The following SLC9A9 variants were observed in gnomAD, a reference collection of about 807,000 sequenced individuals.
The protein encoded by SLC9A9 is sodium/hydrogen exchanger 9.
In SLC9A9, 62 loss-of-function variants were observed where a neutral mutation model predicts 77.8. The ratio of observed to expected loss-of-function variants is 0.80; its 90% CI spans 0.65 to 0.98. The LOEUF is 0.98. Ranked by LOEUF, SLC9A9 falls within the 50% of genes least tolerant of loss-of-function variation. The pLI is 0.00. For synonymous variants in SLC9A9, 320 were observed against 283.5 expected (o/e 1.13, Z -1.29); for missense variants, 775 against 774.9 (o/e 1.00, Z 0.00).
intron 9 of SLC9A9, among the ~76,000 whole-genome samples, chr3:143,550,625 G>A (rs1264234000): frequency 2.0e-5 from 3 of 152,090 alleles, no homozygotes; most frequent in African/African-American, 7.2e-5. Flanking sequence ...TTAGAATAGA[G>A]CCCCCCAAAA....
intron 14 of SLC9A9, among the ~76,000 whole-genome samples, chr3:143,328,302 C>A (rs1299005427): frequency 1.3e-5 from 2 of 152,178 alleles, no homozygotes. Flanking sequence ...TTCTGTAAAT[C>A]TAGAACTGCT....
intron 9 of SLC9A9, among the ~76,000 whole-genome samples, chr3:143,543,379 CT>C (rs34447555): frequency 0.53 from 77,399 of 146,844 alleles, 20,242 homozygotes; most frequent in African/African-American, 0.59. Context: ...ACTTGTCAAG[CT>C]TTTTTTTTTT....
chr3:143,540,383 TG>T (rs778431701), intron 9 of SLC9A9, among the ~76,000 whole-genome samples: 2 of 152,172 alleles, frequency 1.3e-5, no homozygotes, highest in Non-Finnish European at 2.9e-5. Context: ...AGACTATTCT[TG>T]GCTCTACCTA....
At position 143,832,018 on chromosome 3, in the gene SLC9A9, CCTTTT is replaced by C. The variant is rs772335221; in HGVS notation, c.374_378del (p.Glu125AspfsTer4). ...TATATAATACCAGACAGGATCCTTACCTTTTCAAGTATAGCATTTCCTTGATGAGG... is the reference window on the plus strand; with the variant it reads ...TATATAATACCAGACAGGATCCTTACCAAGTATAGCATTTCCTTGATGAGG... On this transcript the variant is annotated frameshift_variant and splice_region_variant, in exon 2 of 16. Transcript: ENST00000316549. LOFTEE classifies it high-confidence loss of function. The C allele has an allele frequency of 1.9e-6, 3 of 1,609,882 alleles. No individual in the cohort carries two copies. Among genetic ancestry groups the C allele is most frequent in the Non-Finnish European group, 2.5e-6 (3 of 1,177,464 alleles).
intron 4 of SLC9A9, among the ~76,000 whole-genome samples, chr3:143,724,208 G>A (rs1340269595): frequency 6.6e-6 from 1 of 152,158 alleles, no homozygotes. Flanking sequence ...TAGTGAGTGA[G>A]TTCTCACTAG....
rs572448744 is a variant in SLC9A9 at position 143,744,460 on chromosome 3, A to G, written c.533+50541T>C. Among the ~76,000 whole-genome samples, 35 of 152,318 alleles carry G rather than the reference A, an allele frequency of 2.3e-4. No individual in the cohort carries two copies. The South Asian group carries it at 7.2e-3, about 32-fold the overall frequency. ...ACCCACACATAGTTGTTTCCCCTGC[A>G]GGTGTCCTTAACTCAAAACCACTTC... On this transcript the variant is annotated intron_variant, in intron 4 of 15. Coordinates refer to ENST00000316549, the MANE Select transcript of SLC9A9 (RefSeq NM_173653.4).
intron 4 of SLC9A9, among the ~76,000 whole-genome samples, chr3:143,719,744 A>G (rs1283027080): frequency 6.6e-6 from 1 of 152,214 alleles, no homozygotes; most frequent in African/African-American, 2.4e-5. Context: ...ACTATCCCCA[A>G]TTCTGATCCT....
chr3:143,580,229 A>G (rs974083181), intron 6 of SLC9A9, among the ~76,000 whole-genome samples: 2 of 152,160 alleles, frequency 1.3e-5, no homozygotes, highest in African/African-American at 2.4e-5. Flanking sequence ...TTGAGTTGAC[A>G]TTCTCCAGCA....
At chr3:143,404,056 A>G (rs1191769563) in intron 12 of SLC9A9, among the ~76,000 whole-genome samples, 2 of 152,068 alleles carry the variant, frequency 1.3e-5, no homozygotes, top group African/African-American at 4.8e-5. Context: ...TGTATCATCA[A>G]GTTCACTGAC....
chr3:143,798,987 A>G (rs1560085085), intron 2 of SLC9A9, among the ~76,000 whole-genome samples: 1 of 151,940 alleles, frequency 6.6e-6, no homozygotes, highest in South Asian at 2.1e-4. Context: ...CCTCCACCCT[A>G]TAATCCTTTT....
intron 9 of SLC9A9, among the ~76,000 whole-genome samples, chr3:143,533,043 G>A (rs569565665): frequency 6.6e-6 from 1 of 152,276 alleles, no homozygotes; most frequent in African/African-American, 2.4e-5. Flanking sequence ...AGGGGAGCAG[G>A]GCCCATGGAG....
chr3:143,725,668 T>C (rs1241880612), intron 4 of SLC9A9, among the ~76,000 whole-genome samples: 1 of 126,536 alleles, frequency 7.9e-6, no homozygotes, highest in East Asian at 2.3e-4. Flanking sequence ...TTCTCACTCA[T>C]AGATGGGAAT....
In SLC9A9 at chr3:143,578,669, T is replaced by C; in HGVS notation, c.810A>G (p.Ala270=). The part of the protein sequence containing the change: ...KENPNAFDAA[A]FFQSVGNFLG... The stretch of plus-strand genomic sequence containing the variant: ...GGAAATTCCCCACAGACTGGAAGAA[T>C]GCTGCGGCATCAAATGCATTTGGAT... The change falls in exon 7 of 16, where the codon GCA becomes GCG. Residue 270 remains alanine (A), a synonymous_variant. Transcript: ENST00000316549. 1.2e-6 allele frequency: 2 copies of C among 1,614,108 alleles called. No individual in the cohort carries two copies. Among genetic ancestry groups the C allele is most frequent in the Non-Finnish European group, 1.7e-6 (2 of 1,179,956 alleles).
At chr3:143,613,231 C>A (rs1177436077) in intron 6 of SLC9A9, among the ~76,000 whole-genome samples, 1 of 152,132 alleles carries the variant, frequency 6.6e-6, no homozygotes, top group Non-Finnish European at 1.5e-5. Context: ...TTCTCCCTTT[C>A]TTTCTTTTCA....
intron 12 of SLC9A9, among the ~76,000 whole-genome samples, chr3:143,396,497 A>C (rs1460213490): frequency 6.6e-6 from 1 of 152,194 alleles, no homozygotes; most frequent in Admixed American, 6.5e-5. Context: ...AATGTAAATG[A>C]TGAGTTAATG....
rs557189868 is a variant in SLC9A9, at chr3:143,767,459, T to G, written c.533+27542A>C. ...GGGCCACATTAACTGTTTGTTTGTTTGGAGGGAGGATAGTTCCACGGACAA... is the reference window on the plus strand; with the variant it reads ...GGGCCACATTAACTGTTTGTTTGTTGGGAGGGAGGATAGTTCCACGGACAA... On this transcript the variant is annotated intron_variant, in intron 4 of 15. Coordinates refer to ENST00000316549, the MANE Select transcript of SLC9A9 (RefSeq NM_173653.4). 1.5e-4 allele frequency among the ~76,000 whole-genome samples: 23 copies of G among 152,036 alleles called. No homozygotes were observed. In the South Asian group the frequency reaches 4.4e-3, roughly 29 times the overall value.
chr3:143,358,806 T>C (rs1300652397), intron 14 of SLC9A9, among the ~76,000 whole-genome samples: 1 of 152,236 alleles, frequency 6.6e-6, no homozygotes, highest in African/African-American at 2.4e-5. Context: ...TTGAGTTTGT[T>C]ACTAATAAAA....
Position 143,774,254 on chromosome 3 carries a change from A to G in SLC9A9, c.533+20747T>C, listed in dbSNP as rs147707371. Among the ~76,000 whole-genome samples, 1,262 of 152,320 alleles carry G rather than the reference A, an allele frequency of 8.3e-3. 9 individuals carry two copies. The highest frequency in any genetic ancestry group is 0.011 in the Non-Finnish European group (769 of 68,022). ...TCACCTTTCGGGACTTGACTCAACT[A>G]AAAGGGATGTCTGGGAAAGGTGTGT... On this transcript the variant is annotated intron_variant, in intron 4 of 15. Transcript: ENST00000316549.
chr3:143,662,373 C>G (rs952223772), intron 5 of SLC9A9, among the ~76,000 whole-genome samples: 1 of 152,232 alleles, frequency 6.6e-6, no homozygotes, highest in South Asian at 2.1e-4. Flanking sequence ...CAGTCTACAG[C>G]TCCCAGCATG....
Sources: gnomAD v4.1 joint callset for allele counts (sites outside exome capture counted in the v4.1 genomes callset) on GRCh38, gnomAD v4.1.1 for gene constraint, MANE v1.5 for transcripts, NCBI Gene and HGNC (gene_info 2026-07-23, HGNC 2026-07-21) for gene names.